The following LINC00632 variants were observed in gnomAD, a reference collection of about 807,000 sequenced individuals.
The protein encoded by LINC00632 is ALDOA related specific transcript.
intron 2 of LINC00632, among the ~76,000 whole-genome samples, chrX:140,732,875 G>A (rs1374227003): frequency 1.8e-5 from 2 of 109,594 alleles, no homozygotes; most frequent in African/African-American, 6.7e-5. Context: ...GCAGTTCTCT[G>A]CCTCAGCCTC....
At chrX:140,710,514 T>G (rs1930493673) in intron 1 of LINC00632, among the ~76,000 whole-genome samples, 1 of 111,064 alleles carries the variant, frequency 9.0e-6, no homozygotes, top group Non-Finnish European at 1.9e-5. Flanking sequence ...GACAAGAGTG[T>G]TCTCGGTGCT....
chrX:140,726,289 C>G (rs1450623749), intron 2 of LINC00632, among the ~76,000 whole-genome samples: 1 of 111,154 alleles, frequency 9.0e-6, no homozygotes, highest in African/African-American at 3.3e-5. Flanking sequence ...ACATGCCTTC[C>G]AACACATGGA....
intron 3 of LINC00632, among the ~76,000 whole-genome samples, chrX:140,750,667 G>C (rs1931398090): frequency 9.0e-6 from 1 of 110,662 alleles, no homozygotes; most frequent in Non-Finnish European, 1.9e-5. Context: ...GGTGGTTTTT[G>C]GTTACATGGA....
intron 3 of LINC00632, among the ~76,000 whole-genome samples, chrX:140,744,559 CT>C (rs375247380): frequency 4.2e-4 from 20 of 47,405 alleles, no homozygotes; most frequent in East Asian, 8.1e-4. Context: ...TGGATTAGAG[CT>C]TTTTTTTGGG....
At chrX:140,712,955 A>G (rs1245190033) in intron 2 of LINC00632, among the ~76,000 whole-genome samples, 2 of 110,539 alleles carry the variant, frequency 1.8e-5, no homozygotes, top group South Asian at 7.7e-4. Context: ...CAGTCCCAGT[A>G]GTTTCCTGAC....
At chrX:140,720,749 C>T (rs890050720) in intron 2 of LINC00632, among the ~76,000 whole-genome samples, 4 of 111,899 alleles carry the variant, frequency 3.6e-5, no homozygotes, top group African/African-American at 9.8e-5. Flanking sequence ...AATACATGGA[C>T]GTGTCCCATC....
chrX:140,711,787 A>C, intron 2 of LINC00632: 1 of 145,642 alleles, frequency 6.9e-6, no homozygotes, highest in South Asian at 1.8e-4. Context: ...TGATTTTTTG[A>C]TATTTTACAG....
At chrX:140,776,566 T>C (rs1312659474) in exon 5 of LINC00632, among the ~76,000 whole-genome samples, 1 of 112,262 alleles carries the variant, frequency 8.9e-6, no homozygotes, top group Admixed American at 9.3e-5. Flanking sequence ...ACTCCGGGGG[T>C]GTCGCGCGCT....
At chrX:140,725,960 C>G (rs1489974696) in intron 2 of LINC00632, among the ~76,000 whole-genome samples, 1 of 111,573 alleles carries the variant, frequency 9.0e-6, no homozygotes, top group Non-Finnish European at 1.9e-5. Flanking sequence ...CATACTCACT[C>G]AATAACACTG....
exon 5 of LINC00632, among the ~76,000 whole-genome samples, chrX:140,778,618 G>GAAA (rs57214136): frequency 5.0e-5 from 2 of 40,297 alleles, no homozygotes. Flanking sequence ...AACAAACAAA[G>GAAA]AAAAAAAAAA....
At chrX:140,786,983 A>G (rs1159828562) in exon 5 of LINC00632, among the ~76,000 whole-genome samples, 1 of 111,494 alleles carries the variant, frequency 9.0e-6, no homozygotes, top group Non-Finnish European at 1.9e-5. Flanking sequence ...ACTGTAAACT[A>G]ATTATTACTG....
At chrX:140,723,333 CACAG>C (rs1281170506) in intron 2 of LINC00632, among the ~76,000 whole-genome samples, 4 of 99,070 alleles carry the variant, frequency 4.0e-5, no homozygotes, top group South Asian at 4.1e-4. Flanking sequence ...ATTCCATACA[CACAG>C]ACACATATTC....
intron 2 of LINC00632, among the ~76,000 whole-genome samples, chrX:140,725,238 T>TAC (rs758165983): frequency 1.5e-4 from 3 of 20,510 alleles, no homozygotes; most frequent in African/African-American, 3.1e-4. Flanking sequence ...ACACATTCCA[T>TAC]ACACACACAC....
At chrX:140,771,200 G>A (rs1056109298) in intron 3 of LINC00632, among the ~76,000 whole-genome samples, 2 of 110,602 alleles carry the variant, frequency 1.8e-5, no homozygotes, top group Non-Finnish European at 3.8e-5. Flanking sequence ...TATCTTATTG[G>A]GGGAAAGACT....
At chrX:140,759,167 T>G in intron 3 of LINC00632, among the ~76,000 whole-genome samples, 1 of 105,128 alleles carries the variant, frequency 9.5e-6, no homozygotes, top group African/African-American at 3.5e-5. Flanking sequence ...AGAGATGGGG[T>G]TTCTCCATGT....
chrX:140,758,998 G>A, intron 3 of LINC00632, among the ~76,000 whole-genome samples: 1 of 80,419 alleles, frequency 1.2e-5, no homozygotes, highest in Non-Finnish European at 2.4e-5. Context: ...GAGTTTTGCT[G>A]TTGTTGCCCA....
chrX:140,715,393 G>C (rs950319339), intron 2 of LINC00632, among the ~76,000 whole-genome samples: 50 of 110,864 alleles, frequency 4.5e-4, no homozygotes, highest in African/African-American at 1.5e-3. Flanking sequence ...AGGGGTTCAG[G>C]ACCAGCCTGT....
chrX:140,719,827 C>T (rs747364136), intron 2 of LINC00632, among the ~76,000 whole-genome samples: 3 of 109,030 alleles, frequency 2.8e-5, no homozygotes, highest in Admixed American at 9.8e-5. Flanking sequence ...TGGTGGCTCA[C>T]GCCTGTAATC....
chrX:140,789,477 T>C (rs1932075064), exon 5 of LINC00632, among the ~76,000 whole-genome samples: 1 of 111,658 alleles, frequency 9.0e-6, no homozygotes, highest in Admixed American at 9.6e-5. Flanking sequence ...GTTAACAGTT[T>C]GTTGCTAATA....
Sources: allele counts gnomAD v4.1 joint callset (sites outside exome capture counted in the v4.1 genomes callset), GRCh38; gene constraint gnomAD v4.1.1; transcripts MANE v1.5; gene names NCBI Gene and HGNC (gene_info 2026-07-23, HGNC 2026-07-21).